DBT: variants seen among roughly 807,000 people sequenced by gnomAD.
The protein encoded by DBT is lipoamide acyltransferase component of branched-chain alpha-keto acid dehydrogenase complex, mitochondrial.
A neutral mutation model predicts 51.3 loss-of-function variants in DBT; 40 were observed. The observed-to-expected ratio is 0.78, with a 90% confidence interval of 0.61 to 1.02. The LOEUF is 1.02. Ranked by LOEUF, DBT falls within the 50% of genes least tolerant of loss-of-function variation. The pLI, the probability that DBT is intolerant of heterozygous loss-of-function variation, is 0.00. For synonymous variants in DBT, 181 were observed against 190.4 expected, an observed-to-expected ratio of 0.95 and a Z score of 0.41; for missense variants, 510 against 580.2, an observed-to-expected ratio of 0.88 and a Z score of 1.24.
intron 1 of DBT, among the ~76,000 whole-genome samples, chr1:100,242,072 CAT>C (rs1011121386): frequency 6.6e-6 from 1 of 151,838 alleles, no homozygotes; most frequent in Non-Finnish European, 1.5e-5. Flanking sequence ...ATACTGTAAA[CAT>C]AAACTACAGA....
intron 3 of DBT, 42 bp from the exon 4 acceptor site, chr1:100,230,956 T>C: frequency 2.6e-6 from 3 of 1,161,588 alleles, no homozygotes; most frequent in Non-Finnish European, 2.6e-6. Context: ...GAAACAGTCA[T>C]AAGTACAGAT....
Position 100,218,607 on chromosome 1 carries a change from A to T in DBT, c.555+19T>A, listed in dbSNP as rs375661057. 1.2e-6 allele frequency: 2 copies of T among 1,613,528 alleles called. No individual in the cohort carries two copies. Among genetic ancestry groups the T allele is most frequent in the Non-Finnish European group, 1.7e-6 (2 of 1,179,572 alleles). ...ACACTTCCTATACAATCTCAGACTT[A>T]AATATTAAGAGAACTTACATTGTTT... On this transcript the variant is annotated intron_variant, in intron 5 of 10. Coordinates refer to ENST00000370132, the MANE Select transcript of DBT (RefSeq NM_001918.5).
In DBT at chr1:100,206,565, C is replaced by T. The variant is rs2100780197; in HGVS notation, c.1089G>A (p.Gln363=). 1.2e-6 allele frequency: 2 copies of T among 1,612,230 alleles called. No homozygotes were observed. The highest frequency in any genetic ancestry group is 1.7e-6 in the Non-Finnish European group (2 of 1,178,288). The change falls in exon 9 of 11, where the codon CAG becomes CAA. Residue 363 remains glutamine, a synonymous_variant. Coordinates refer to ENST00000370132, the MANE Select transcript of DBT (RefSeq NM_001918.5). ...TGGCGATGTCAAATATAGAGCAGATCTGAACATTTTTCACATTAGGGACAA... is the reference window on the plus strand; with the variant it reads ...TGGCGATGTCAAATATAGAGCAGATTTGAACATTTTTCACATTAGGGACAA... The part of the protein sequence containing the change: ...GLIVPNVKNV[Q]ICSIFDIATE...
intron 8 of DBT, among the ~76,000 whole-genome samples, chr1:100,209,225 A>G (rs1292441485): frequency 6.6e-6 from 1 of 151,228 alleles, no homozygotes; most frequent in Admixed American, 6.6e-5. Context: ...CAGCCTCCCA[A>G]GCAGCTAAAA....
At chr1:100,212,814 T>C (rs1389274928) in intron 7 of DBT, among the ~76,000 whole-genome samples, 1 of 152,122 alleles carries the variant, frequency 6.6e-6, no homozygotes, top group East Asian at 1.9e-4. Flanking sequence ...TATGGGTACC[T>C]TAATATGAGG....
At chr1:100,207,961 T>A (rs903014675) in intron 8 of DBT, among the ~76,000 whole-genome samples, 1 of 152,006 alleles carries the variant, frequency 6.6e-6, no homozygotes, top group Non-Finnish European at 1.5e-5. Flanking sequence ...TGAAACCCCA[T>A]CTGTACGAAA....
In DBT at chr1:100,240,850, A is replaced by G. The variant is rs1473273369; in HGVS notation, c.86T>C (p.Val29Ala). 12 of 1,612,820 alleles carry G rather than the reference A, an allele frequency of 7.4e-6. No individual in the cohort carries two copies. Among genetic ancestry groups the G allele is most frequent in the Non-Finnish European group, 1.0e-5 (12 of 1,178,898 alleles). The stretch of plus-strand genomic sequence containing the variant: ...CACATAATTTGGCTTCAAAACATGA[A>G]CATTACCACATGTTTGAAAATAGCG... ...CVRYFQTCGN[V>A]HVLKPNYVCF... The change falls in exon 2 of 11, where the codon GTT becomes GCT. Residue 29 changes from valine to alanine, a missense_variant. Transcript: ENST00000370132.
chr1:100,199,363 T>C (rs917325184), intron 10 of DBT, among the ~76,000 whole-genome samples: 3 of 152,190 alleles, frequency 2.0e-5, no homozygotes, highest in East Asian at 1.9e-4. Flanking sequence ...TTGTTTAAAA[T>C]AACATTTTCA....
chr1:100,213,949 CAA>C (rs758614475), intron 7 of DBT, among the ~76,000 whole-genome samples: 4,125 of 118,332 alleles, frequency 0.035, 216 homozygotes, highest in African/African-American at 0.12. Flanking sequence ...AGATTCATAC[CAA>C]AAAAAAAAAA....
chr1:100,245,584 T>A (rs1006990454), intron 1 of DBT, among the ~76,000 whole-genome samples: 16 of 152,206 alleles, frequency 1.1e-4, no homozygotes, highest in African/African-American at 3.6e-4. Context: ...CTCAAATACA[T>A]CCTGGTTGAA....
At chr1:100,209,057 G>C (rs1387720028) in intron 8 of DBT, among the ~76,000 whole-genome samples, 1 of 151,232 alleles carries the variant, frequency 6.6e-6, no homozygotes, top group Non-Finnish European at 1.5e-5. Flanking sequence ...ATGGAATTGA[G>C]GGTAAACATC....
At chr1:100,211,061 T>C in intron 7 of DBT, 1 of 776,606 alleles carries the variant, frequency 1.3e-6, no homozygotes, top group Non-Finnish European at 2.4e-6. Flanking sequence ...CCAAAGAAAA[T>C]GTCTAAATTC....
intron 2 of DBT, among the ~76,000 whole-genome samples, chr1:100,239,110 G>A (rs1351961343): frequency 1.3e-5 from 2 of 152,130 alleles, no homozygotes; most frequent in African/African-American, 2.4e-5. Context: ...TATATCCCAA[G>A]CACCTAGAGC....
chr1:100,232,842 T>C (rs1663624175), intron 3 of DBT, among the ~76,000 whole-genome samples: 1 of 152,174 alleles, frequency 6.6e-6, no homozygotes, highest in South Asian at 2.1e-4. Flanking sequence ...GAAGAGACAA[T>C]AGAGCTATAT....
chr1:100,198,864 C>T (rs143715494), intron 10 of DBT, among the ~76,000 whole-genome samples: 3 of 152,158 alleles, frequency 2.0e-5, no homozygotes, highest in East Asian at 1.9e-4. Context: ...GGTTCCAACA[C>T]GCAAGGAATA....
At position 100,190,017 on chromosome 1, in the gene DBT, A is replaced by G. The variant is rs577770249; in HGVS notation, c.*6238T>C. ...TCTGAGTTGAATTTTGATTAATTAA[A>G]ATTAAAATTTAAATTTAAATAGCTA... On this transcript the variant is annotated 3_prime_UTR_variant, in exon 11 of 11. Transcript: ENST00000370132. The G allele has an allele frequency of 7.2e-5, 11 of 152,334 alleles. No individual in the cohort carries two copies. Among genetic ancestry groups the G allele is most frequent in the Non-Finnish European group, 1.6e-4 (11 of 68,026 alleles). The allele number at this position is 152,334 out of a possible 1,614,324, so 9.4% of individuals were successfully genotyped here.
intron 4 of DBT, among the ~76,000 whole-genome samples, chr1:100,226,858 A>G (rs1663244493): frequency 1.3e-5 from 2 of 152,238 alleles, no homozygotes; most frequent in African/African-American, 4.8e-5. Context: ...TGATTTGAGC[A>G]TTGAGAAGAA....
At chr1:100,247,367 A>T (rs1260404607) in intron 1 of DBT, among the ~76,000 whole-genome samples, 1 of 152,214 alleles carries the variant, frequency 6.6e-6, no homozygotes, top group Non-Finnish European at 1.5e-5. Context: ...TGGAAAAATC[A>T]TGACTAGATT....
At chr1:100,229,731 T>C (rs896841342) in intron 4 of DBT, among the ~76,000 whole-genome samples, 2 of 152,212 alleles carry the variant, frequency 1.3e-5, no homozygotes, top group Non-Finnish European at 2.9e-5. Flanking sequence ...ACAGAACCTA[T>C]TGCTCTTGCA....
Sources: gnomAD v4.1 joint callset for allele counts (sites outside exome capture counted in the v4.1 genomes callset) on GRCh38, gnomAD v4.1.1 for gene constraint, MANE v1.5 for transcripts, NCBI Gene and HGNC (gene_info 2026-07-23, HGNC 2026-07-21) for gene names.